CLMP: variants seen among roughly 807,000 people sequenced by gnomAD.
The protein encoded by CLMP is CXADR-like membrane protein.
In CLMP, 27 loss-of-function variants were observed where a neutral mutation model predicts 45.2. That is an observed-to-expected ratio of 0.60 (90% confidence interval 0.44 to 0.82). The LOEUF (loss-of-function observed/expected upper bound fraction) is 0.82, where lower values mean the gene tolerates loss of function less well. CLMP is among the 40% of genes least tolerant of loss of function. The probability of loss-of-function intolerance (pLI) is 0.00; values close to 1 mark genes in which losing one functional copy is unlikely to be tolerated. For synonymous variants in CLMP, 167 were observed against 171.4 expected (o/e 0.97, Z 0.20); for missense variants, 403 against 448.4 (o/e 0.90, Z 0.91).
chr11:123,126,288 T>C (rs1860894339), intron 1 of CLMP, among the ~76,000 whole-genome samples: 1 of 152,228 alleles, frequency 6.6e-6, no homozygotes, highest in Non-Finnish European at 1.5e-5. Flanking sequence ...ACAGTGCTTG[T>C]CACCAAATAG....
chr11:123,107,508 G>C (rs562429235), intron 1 of CLMP, among the ~76,000 whole-genome samples: 30 of 150,164 alleles, frequency 2.0e-4, no homozygotes, highest in African/African-American at 7.1e-4. Flanking sequence ...TGGGATTACA[G>C]GTGCGAGCCA....
chr11:123,088,348 G>T (rs1865888858), intron 2 of CLMP, among the ~76,000 whole-genome samples: 1 of 152,204 alleles, frequency 6.6e-6, no homozygotes, highest in Admixed American at 6.5e-5. Flanking sequence ...AAGACTGAAA[G>T]TAAGGGGGCC....
chr11:123,114,074 T>A (rs950589520), intron 1 of CLMP, among the ~76,000 whole-genome samples: 2 of 152,232 alleles, frequency 1.3e-5, no homozygotes, highest in African/African-American at 2.4e-5. Context: ...GTTCCAAATG[T>A]GAAGTCGCTT....
At chr11:123,181,847 T>A (rs1861774730) in intron 1 of CLMP, among the ~76,000 whole-genome samples, 1 of 152,234 alleles carries the variant, frequency 6.6e-6, no homozygotes, top group Admixed American at 6.5e-5. Context: ...ACAGCAGAAA[T>A]CAGCTTTGTC....
chr11:123,180,615 A>G (rs76643955), intron 1 of CLMP, among the ~76,000 whole-genome samples: 7 of 151,820 alleles, frequency 4.6e-5, no homozygotes, highest in Admixed American at 3.9e-4. Context: ...AAAAAAAAAA[A>G]AGACACTGAT....
At chr11:123,102,279 G>GTT (rs1174991262) in intron 1 of CLMP, among the ~76,000 whole-genome samples, 10,223 of 120,834 alleles carry the variant, frequency 0.085, 686 homozygotes, top group East Asian at 0.13. Context: ...ATCTTTCCAG[G>GTT]TTTTTTTTTT....
chr11:123,106,410 TGTGTGTGTGTGTGTGCGCGCGCGC>T (rs1860552139), intron 1 of CLMP, among the ~76,000 whole-genome samples: 4 of 125,286 alleles, frequency 3.2e-5, no homozygotes, highest in African/African-American at 1.2e-4. Flanking sequence ...TGTGTGTGTG[TGTGTGTGTGTGTGTGCGCGCGCGC>T]GCGCGCACGT....
At chr11:123,150,414 GGTAA>G (rs1861297376) in intron 1 of CLMP, among the ~76,000 whole-genome samples, 3 of 55,174 alleles carry the variant, frequency 5.4e-5, no homozygotes, top group Non-Finnish European at 1.1e-4. Context: ...AAGGAAGGAA[GGTAA>G]GAAAGAAAGA....
At chr11:123,135,946 C>A (rs12279677) in intron 1 of CLMP, 114,638 of 539,286 alleles carry the variant, frequency 0.21, 14,390 homozygotes, top group African/African-American at 0.41. Context: ...AGCAAAAAGC[C>A]TCCCACAAAT....
intron 1 of CLMP, among the ~76,000 whole-genome samples, chr11:123,118,637 T>A (rs1232284992): frequency 1.3e-5 from 2 of 152,170 alleles, no homozygotes; most frequent in African/African-American, 4.8e-5. Context: ...ACTTCCACTT[T>A]TCTCATTAAA....
intron 5 of CLMP, among the ~76,000 whole-genome samples, chr11:123,075,778 G>T (rs1326619510): frequency 6.6e-6 from 1 of 152,188 alleles, no homozygotes; most frequent in African/African-American, 2.4e-5. Context: ...AGATTTGTCT[G>T]CCTTAATAGG....
intron 1 of CLMP, among the ~76,000 whole-genome samples, chr11:123,168,567 G>A (rs1233529046): frequency 6.6e-6 from 1 of 152,120 alleles, no homozygotes; most frequent in Non-Finnish European, 1.5e-5. Context: ...TGGGAGCCGG[G>A]TAGGACAGGG....
intron 1 of CLMP, among the ~76,000 whole-genome samples, chr11:123,117,993 G>C (rs61140679): frequency 2.0e-5 from 3 of 152,168 alleles, no homozygotes; most frequent in African/African-American, 7.2e-5. Flanking sequence ...TATGATCACT[G>C]GGGAGAAATC....
intron 1 of CLMP, among the ~76,000 whole-genome samples, chr11:123,118,196 C>T (rs1173235025): frequency 1.3e-5 from 2 of 152,154 alleles, no homozygotes; most frequent in Non-Finnish European, 2.9e-5. Context: ...GTAGCACAAT[C>T]TTGGCTCACT....
chr11:123,126,300 C>A (rs1021854853), intron 1 of CLMP, among the ~76,000 whole-genome samples: 3 of 152,140 alleles, frequency 2.0e-5, no homozygotes, highest in African/African-American at 7.2e-5. Context: ...ACCAAATAGG[C>A]CCTCAATGGA....
intron 1 of CLMP, among the ~76,000 whole-genome samples, chr11:123,150,478 A>AGAAAGAAAGAAAGAAAGAAAGAAGGAAG (rs1565397421): frequency 1.9e-5 from 2 of 103,666 alleles, no homozygotes; most frequent in African/African-American, 7.4e-5. Flanking sequence ...AAAGAAAGAA[A>AGAAAGAAAGAAAGAAAGAAAGAAGGAAG]GAAAGGAAGG....
intron 1 of CLMP, among the ~76,000 whole-genome samples, chr11:123,126,905 AAAAG>A (rs1330669105): frequency 1.3e-5 from 2 of 151,882 alleles, no homozygotes; most frequent in African/African-American, 4.8e-5. Context: ...TTAAAAAAAA[AAAAG>A]AAAGAAAACA....
At chr11:123,185,321 T>C (rs1861819231) in intron 1 of CLMP, among the ~76,000 whole-genome samples, 1 of 152,066 alleles carries the variant, frequency 6.6e-6, no homozygotes. Context: ...TTCACGCTGG[T>C]CTTTGTTCTC....
At chr11:123,163,713 T>C (rs1052103531) in intron 1 of CLMP, among the ~76,000 whole-genome samples, 2 of 151,892 alleles carry the variant, frequency 1.3e-5, no homozygotes, top group Non-Finnish European at 2.9e-5. Context: ...GAGAAGGTCC[T>C]AAGGTAATGT....
Sources: allele counts gnomAD v4.1 joint callset (sites outside exome capture counted in the v4.1 genomes callset), GRCh38; gene constraint gnomAD v4.1.1; transcripts MANE v1.5; gene names NCBI Gene and HGNC (gene_info 2026-07-23, HGNC 2026-07-21).